Variants in CCDC66 observed in about 807,000 individuals in gnomAD.
The protein encoded by CCDC66 is coiled-coil domain-containing protein 66.
In CCDC66, 133 loss-of-function variants were observed where a neutral mutation model predicts 128.3. The observed-to-expected ratio is 1.04, with a 90% confidence interval of 0.90 to 1.20. The LOEUF (loss-of-function observed/expected upper bound fraction) is 1.20. Ranked by LOEUF, CCDC66 falls within the 50% of genes most tolerant of loss-of-function variation. The probability of loss-of-function intolerance (pLI) is 0.00; values close to 1 mark genes in which losing one functional copy is unlikely to be tolerated. For missense variants in CCDC66, 1,126 were observed against 1,075.5 expected, an observed-to-expected ratio of 1.05 and a Z score of -0.66; for synonymous variants, 387 against 357.0, an observed-to-expected ratio of 1.08 and a Z score of -0.95.
rs1005076589 is a variant in CCDC66, at chr3:56,567,050, C to G, written c.811C>G (p.Leu271Val). Reference sequence around the variant, plus strand: ...AAAAAAAGCCCAGTGGAGGAAAGAGCTAGGTAGGTAACTTTTATACCTTTA... The same window carrying G: ...AAAAAAAGCCCAGTGGAGGAAAGAGGTAGGTAGGTAACTTTTATACCTTTA... ...EAKKAQWRKE[L>V]DEQVALKKKE... Residue 271 changes from leucine to valine, a missense_variant, in exon 6 of 18, where the codon CTA becomes GTA. By Grantham distance (32) the Leu-to-Val change is conservative (BLOSUM62 1). Transcript: ENST00000394672. The G allele has an allele frequency of 6.2e-7, 1 of 1,609,670 alleles. No individual in the cohort carries two copies. The highest frequency in any genetic ancestry group is 1.7e-4 in the Middle Eastern group (1 of 6,042).
At chr3:56,608,684 G>A (rs1213828055) in intron 10 of CCDC66, among the ~76,000 whole-genome samples, 5 of 152,042 alleles carry the variant, frequency 3.3e-5, no homozygotes, top group Non-Finnish European at 7.4e-5. Flanking sequence ...TTTCCTTGAG[G>A]TGTGACCTTA....
At chr3:56,581,851 A>C (rs564860014) in intron 7 of CCDC66, among the ~76,000 whole-genome samples, 30 of 151,604 alleles carry the variant, frequency 2.0e-4, no homozygotes, top group African/African-American at 7.0e-4. Context: ...CAGTTAGGCT[A>C]CTCGGTGGTT....
At chr3:56,594,131 C>T in intron 10 of CCDC66, 103 bp downstream of exon 10, 2 of 1,018,760 alleles carry the variant, frequency 2.0e-6, no homozygotes, top group Non-Finnish European at 1.5e-6. Flanking sequence ...AACTTTACAG[C>T]ATAGGTCCTG....
Position 56,593,700 on chromosome 3 carries a change from A to G in CCDC66, c.1278A>G (p.Lys426=). 6.2e-7 allele frequency: 1 copy of G among 1,614,102 alleles called. No individual in the cohort carries two copies. The highest frequency in any genetic ancestry group is 8.5e-7 in the Non-Finnish European group (1 of 1,179,978). The change falls in exon 9 of 18, where the codon AAA becomes AAG. Residue 426 remains lysine, a synonymous_variant. Coordinates refer to ENST00000394672, the MANE Select transcript of CCDC66 (RefSeq NM_001141947.3). ...CTTCAGAGGAGGAGCATATAGCAAA[A>G]CCTATTAAGGATGTGGTTATGGCAA... ...VEPSEEEHIA[K]PIKDVVMANS...
At position 56,593,406 on chromosome 3, in the gene CCDC66, T is replaced by C. The variant is rs560632700; in HGVS notation, c.1069-85T>C. Reference sequence around the variant, plus strand: ...TGCTTATTCTGCTCTAAGGTGACTTTTAGAAATCATCTTTGGTTGTCATTT... The same window carrying C: ...TGCTTATTCTGCTCTAAGGTGACTTCTAGAAATCATCTTTGGTTGTCATTT... On this transcript the variant is annotated intron_variant, in intron 8 of 17. Transcript: ENST00000394672. The C allele has an allele frequency of 7.8e-5, 115 of 1,473,340 alleles. No individual in the cohort carries two copies. The Middle Eastern group carries it at 1.5e-3, about 19-fold the overall frequency. The allele number at this position is 1,473,340 out of a possible 1,614,324, so 91.3% of individuals were successfully genotyped here.
chr3:56,590,517 G>T (rs1464581430), intron 7 of CCDC66, among the ~76,000 whole-genome samples: 1 of 152,108 alleles, frequency 6.6e-6, no homozygotes, highest in Non-Finnish European at 1.5e-5. Context: ...TGGCTCTTTG[G>T]GAGATCAAGG....
chr3:56,607,415 G>C (rs1014124429), intron 10 of CCDC66, among the ~76,000 whole-genome samples: 15 of 152,188 alleles, frequency 9.9e-5, no homozygotes, highest in African/African-American at 3.4e-4. Context: ...TTGTGAAAGG[G>C]CTTGAGTTCT....
intron 11 of CCDC66, 109 bp from the exon 12 acceptor site, chr3:56,615,018 TA>T: frequency 8.9e-7 from 1 of 1,119,890 alleles, no homozygotes; most frequent in South Asian, 1.7e-5. Flanking sequence ...CCTTAGTGTC[TA>T]AACAAGTGCC....
chr3:56,591,125 A>C (rs2070817206), intron 7 of CCDC66, among the ~76,000 whole-genome samples: 1 of 152,204 alleles, frequency 6.6e-6, no homozygotes, highest in Admixed American at 6.5e-5. Flanking sequence ...ATGTAAGAAT[A>C]ATGTAAAGCC....
At chr3:56,561,932 T>C (rs2065155890) in intron 3 of CCDC66, among the ~76,000 whole-genome samples, 1 of 152,172 alleles carries the variant, frequency 6.6e-6, no homozygotes, top group Non-Finnish European at 1.5e-5. Context: ...GTAATCTCCA[T>C]AGTTTGTTCT....
intron 10 of CCDC66, among the ~76,000 whole-genome samples, chr3:56,607,355 C>G (rs942195115): frequency 6.6e-6 from 1 of 152,044 alleles, no homozygotes; most frequent in African/African-American, 2.4e-5. Context: ...AGAGGTCTTT[C>G]GACTCCTTTG....
chr3:56,575,702 T>C (rs1559639388), intron 7 of CCDC66, among the ~76,000 whole-genome samples: 1 of 151,938 alleles, frequency 6.6e-6, no homozygotes, highest in African/African-American at 2.4e-5. Flanking sequence ...AAGAGTTTTC[T>C]AGTTCTAGCT....
chr3:56,611,623 A>G (rs1315374102), intron 10 of CCDC66, among the ~76,000 whole-genome samples: 1 of 136,120 alleles, frequency 7.3e-6, no homozygotes, highest in Admixed American at 7.9e-5. Flanking sequence ...AAGTTGTTAC[A>G]AAGTTCATCT....
intron 10 of CCDC66, among the ~76,000 whole-genome samples, chr3:56,594,400 A>G (rs1301643897): frequency 6.6e-6 from 1 of 152,056 alleles, no homozygotes. Context: ...AATCTAATGC[A>G]TAATGGCCGG....
intron 7 of CCDC66, among the ~76,000 whole-genome samples, chr3:56,578,821 A>G (rs2067830549): frequency 6.6e-6 from 1 of 151,804 alleles, no homozygotes; most frequent in Non-Finnish European, 1.5e-5. Context: ...CCAGTATTTT[A>G]TTGAGGATTT....
intron 7 of CCDC66, chr3:56,573,059 A>C (rs1376114218): frequency 6.6e-6 from 1 of 152,226 alleles, no homozygotes; most frequent in Non-Finnish European, 1.5e-5. Flanking sequence ...TTTCAACATC[A>C]GGATAAAAAA....
At chr3:56,621,333 T>TAA in intron 17 of CCDC66, 199 bp from the exon 18 acceptor site, 2 of 391,626 alleles carry the variant, frequency 5.1e-6, no homozygotes, top group Non-Finnish European at 9.1e-6. Flanking sequence ...ATTTTTATGC[T>TAA]AAAAACAGAA....
intron 7 of CCDC66, among the ~76,000 whole-genome samples, chr3:56,592,584 T>G (rs1364305462): frequency 6.6e-6 from 1 of 151,898 alleles, no homozygotes; most frequent in Non-Finnish European, 1.5e-5. Context: ...GGGCTGGCCT[T>G]GAACTCCTGG....
At chr3:56,575,376 A>G (rs917773113) in intron 7 of CCDC66, among the ~76,000 whole-genome samples, 1 of 151,730 alleles carries the variant, frequency 6.6e-6, no homozygotes, top group African/African-American at 2.4e-5. Context: ...CTTATTGACT[A>G]TTTGCATGTA....
Sources: allele counts gnomAD v4.1 joint callset (sites outside exome capture counted in the v4.1 genomes callset), GRCh38; gene constraint gnomAD v4.1.1; transcripts MANE v1.5; gene names NCBI Gene and HGNC (gene_info 2026-07-23, HGNC 2026-07-21).